The following BARX2 variants were observed in gnomAD, a reference collection of about 807,000 sequenced individuals.
The protein encoded by BARX2 is homeobox protein BarH-like 2.
A neutral mutation model predicts 25.5 loss-of-function variants in BARX2; 11 were observed. The observed-to-expected ratio is 0.43, with a 90% CI of 0.27 to 0.71. The LOEUF is 0.71. BARX2 is among the 30% of genes least tolerant of loss of function. BARX2 has a pLI of 0.19. For synonymous variants in BARX2, 137 were observed against 149.5 expected (o/e 0.92, Z 0.61); for missense variants, 360 against 359.9 (o/e 1.00, Z 0.00).
At chr11:129,434,510 C>T (rs960324118) in intron 1 of BARX2, among the ~76,000 whole-genome samples, 7 of 151,098 alleles carry the variant, frequency 4.6e-5, no homozygotes, top group African/African-American at 1.7e-4. Flanking sequence ...AGCAGTCCTC[C>T]AGCCTCAGCC....
intron 1 of BARX2, among the ~76,000 whole-genome samples, chr11:129,418,834 G>A (rs1861972486): frequency 6.6e-6 from 1 of 152,186 alleles, no homozygotes; most frequent in South Asian, 2.1e-4. Flanking sequence ...CTGGAAGACA[G>A]AATGTCAGAA....
At chr11:129,419,726 G>A (rs1352823948) in intron 1 of BARX2, among the ~76,000 whole-genome samples, 5 of 151,990 alleles carry the variant, frequency 3.3e-5, no homozygotes, top group East Asian at 1.9e-4. Flanking sequence ...GCTTGTGGGC[G>A]GTTGACTCTT....
chr11:129,444,801 A>G (rs1862304946), intron 3 of BARX2, among the ~76,000 whole-genome samples: 1 of 152,106 alleles, frequency 6.6e-6, no homozygotes, highest in South Asian at 2.1e-4. Flanking sequence ...CAGGAGTTTG[A>G]AACCAGCCTG....
chr11:129,417,091 TG>T (rs1309618548), intron 1 of BARX2, among the ~76,000 whole-genome samples: 1 of 151,902 alleles, frequency 6.6e-6, no homozygotes, highest in Non-Finnish European at 1.5e-5. Flanking sequence ...TTAGTAGAGA[TG>T]GGGTTTCACT....
intron 1 of BARX2, among the ~76,000 whole-genome samples, chr11:129,424,428 G>A (rs186288330): frequency 8.5e-5 from 13 of 152,230 alleles, no homozygotes; most frequent in Admixed American, 6.5e-4. Context: ...CTGTGTGTCT[G>A]CCTGTCTTCT....
At chr11:129,389,558 A>G (rs892781033) in intron 1 of BARX2, among the ~76,000 whole-genome samples, 1 of 147,128 alleles carries the variant, frequency 6.8e-6, no homozygotes, top group Non-Finnish European at 1.5e-5. Flanking sequence ...TTGTTACTTT[A>G]TTTTTTTTTT....
chr11:129,425,533 G>A (rs1339235243), intron 1 of BARX2, among the ~76,000 whole-genome samples: 2 of 152,188 alleles, frequency 1.3e-5, no homozygotes, highest in African/African-American at 4.8e-5. Context: ...GGAGGCTGCG[G>A]GCTGGATGAT....
At position 129,376,116 on chromosome 11, in the gene BARX2, C is replaced by G. The variant is rs557863994; in HGVS notation, c.81C>G (p.Ile27Met). 7.8e-5 allele frequency: 126 copies of G among 1,613,224 alleles called. 1 individual carries two copies. The highest frequency in any genetic ancestry group is 4.9e-4 in the South Asian group (45 of 90,980). Residue 27 changes from isoleucine (I) to methionine (M), a missense_variant, in exon 1 of 4, where the codon ATC (isoleucine) becomes ATG (methionine). Around this residue, in one of 3 missense-constraint regions of BARX2, gnomAD observed 240 missense variants for 228.7 expected, o/e 1.05. Transcript: ENST00000281437. This position sits in a 1 kb window ranked among gnomAD's most constrained non-coding sequence, Gnocchi z 4.2. ...AARRRYKTFMIDEILSKETCD... is the reference protein window; with the variant it reads ...AARRRYKTFMMDEILSKETCD... The stretch of plus-strand genomic sequence containing the variant: ...GGCGGCGCTACAAGACTTTCATGAT[C>G]GACGAGATCCTCTCCAAGGAGACCT...
intron 1 of BARX2, among the ~76,000 whole-genome samples, chr11:129,379,295 A>G (rs1286276424): frequency 1.3e-5 from 2 of 152,220 alleles, no homozygotes; most frequent in Non-Finnish European, 2.9e-5. Context: ...CATTCAGGCC[A>G]TTGGTGAGGG....
At chr11:129,424,494 G>A (rs746760014) in intron 1 of BARX2, among the ~76,000 whole-genome samples, 103 of 152,194 alleles carry the variant, frequency 6.8e-4, no homozygotes, top group Non-Finnish European at 1.2e-3. Flanking sequence ...CAATGCCTCT[G>A]GAATCCATCC....
intron 1 of BARX2, among the ~76,000 whole-genome samples, chr11:129,434,952 G>T (rs903558152): frequency 6.6e-6 from 1 of 152,214 alleles, no homozygotes; most frequent in African/African-American, 2.4e-5. Flanking sequence ...CAGGTGGATT[G>T]TTAGTCATTT....
intron 1 of BARX2, among the ~76,000 whole-genome samples, chr11:129,389,165 C>T (rs114352642): frequency 0.017 from 2,564 of 152,226 alleles, 62 homozygotes; most frequent in African/African-American, 0.056. Flanking sequence ...GTATATAAAA[C>T]TCCTAGTATA....
chr11:129,414,085 C>G (rs56141553), intron 1 of BARX2, among the ~76,000 whole-genome samples: 2 of 149,186 alleles, frequency 1.3e-5, no homozygotes, highest in African/African-American at 2.5e-5. Flanking sequence ...AAAGAGAGAG[C>G]GGACAGTAAT....
intron 1 of BARX2, among the ~76,000 whole-genome samples, chr11:129,421,691 T>A (rs1204011734): frequency 6.6e-6 from 1 of 152,210 alleles, no homozygotes; most frequent in Non-Finnish European, 1.5e-5. Flanking sequence ...CTGGTTTGTT[T>A]GCAGGTGCTC....
At chr11:129,397,013 G>A (rs1861727461) in intron 1 of BARX2, among the ~76,000 whole-genome samples, 1 of 152,110 alleles carries the variant, frequency 6.6e-6, no homozygotes, top group Non-Finnish European at 1.5e-5. Flanking sequence ...GGCTGGGCAC[G>A]GTGGCTCACA....
chr11:129,433,430 C>T (rs1862150825), intron 1 of BARX2, among the ~76,000 whole-genome samples: 1 of 152,208 alleles, frequency 6.6e-6, no homozygotes, highest in African/African-American at 2.4e-5. Context: ...TGTCCTCCCT[C>T]AGCTCACATC....
At chr11:129,409,893 C>T (rs1256283277) in intron 1 of BARX2, among the ~76,000 whole-genome samples, 1 of 152,024 alleles carries the variant, frequency 6.6e-6, no homozygotes, top group Admixed American at 6.6e-5. Flanking sequence ...GGAATTTCTA[C>T]CAATTGGATA....
chr11:129,426,847 G>C (rs1862069328), intron 1 of BARX2, among the ~76,000 whole-genome samples: 1 of 151,900 alleles, frequency 6.6e-6, no homozygotes, highest in African/African-American at 2.4e-5. Context: ...ACTATTTGGG[G>C]AGTGTTGGTA....
chr11:129,436,843 G>T lies in BARX2; in HGVS notation c.280G>T (p.Ala94Ser). The T allele has an allele frequency of 3.7e-6, 6 of 1,613,862 alleles. No homozygotes were observed. The highest frequency in any genetic ancestry group is 5.1e-6 in the Non-Finnish European group (6 of 1,179,940). Residue 94 changes from alanine (A) to serine (S), a missense_variant, in exon 2 of 4, where the codon GCC becomes TCC. Physicochemically the swap from Ala to Ser is moderately conservative, Grantham distance 99. This residue lies in a region of BARX2 where 240 missense variants were observed against 228.7 expected (regional missense o/e 1.05). Transcript: ENST00000281437. This position sits in a 1 kb window ranked among gnomAD's most constrained non-coding sequence, Gnocchi z 4.5. ...SHLVPATPGI[A>S]QALSCHQVTE... The stretch of plus-strand genomic sequence containing the variant: ...CCTGGTCCCTGCCACCCCGGGAATC[G>T]CCCAGGCACTGTCCTGCCACCAGGT...
Sources: gnomAD v4.1 joint callset for allele counts (sites outside exome capture counted in the v4.1 genomes callset) on GRCh38, gnomAD v4.1.1 for gene constraint, gnomAD v4.1.1 regional missense constraint, Gnocchi (gnomAD v3.1) non-coding constraint, MANE v1.5 for transcripts, NCBI Gene and HGNC (gene_info 2026-07-23, HGNC 2026-07-21) for gene names.